The following HUWE1 variants were observed in gnomAD, a reference collection of about 807,000 sequenced individuals.
HUWE1 encodes the protein E3 ubiquitin-protein ligase HUWE1.
A neutral mutation model predicts 299.4 loss-of-function variants in HUWE1; 18 were observed. The ratio of observed to expected loss-of-function variants is 0.06; its 90% CI spans 0.04 to 0.09. The LOEUF (loss-of-function observed/expected upper bound fraction) is 0.09, where lower values mean the gene tolerates loss of function less well. Ranked by LOEUF, HUWE1 falls within the 10% of genes least tolerant of loss-of-function variation. The pLI is 1.00. For missense variants in HUWE1, 1,832 were observed against 3,462.3 expected (o/e 0.53, Z 11.82); for synonymous variants, 1,317 against 1,286.1 (o/e 1.02, Z -0.51).
rs781793405 is a variant in HUWE1 at position 53,592,474 on chromosome X, C to T, written c.3896G>A (p.Arg1299Gln). The stretch of plus-strand genomic sequence containing the variant: ...CTCTTGCCCTGTATCCTCTTCTCCT[C>T]GAGACCCCTCCTTCTCCTTGCTTAG... Reference protein sequence around the residue: ...ERLSKEKEGSRGEEDTGQEEG... With the variant: ...ERLSKEKEGSQGEEDTGQEEG... The change falls in exon 33 of 84, where the codon CGA (arginine) becomes CAA (glutamine). Residue 1299 changes from arginine (R) to glutamine (Q), a missense_variant. Physicochemically the swap from Arg to Gln is conservative, Grantham distance 43. Around this residue, in one of 15 missense-constraint regions of HUWE1, gnomAD observed 658 missense variants for 1,282.6 expected, o/e 0.51. Coordinates refer to ENST00000262854, the MANE Select transcript of HUWE1 (RefSeq NM_031407.7). The T allele has an allele frequency of 7.4e-6, 9 of 1,210,842 alleles. No homozygotes were observed. The highest frequency in any genetic ancestry group is 1.7e-5 in the African/African-American group (1 of 57,570).
At chrX:53,626,164 C>T in intron 17 of HUWE1, 1 of 286,492 alleles carries the variant, frequency 3.5e-6, no homozygotes. Context: ...ATACTGAACC[C>T]CAAAATGAAA....
At chrX:53,568,240 G>A (rs2062661179) in intron 49 of HUWE1, among the ~76,000 whole-genome samples, 1 of 111,091 alleles carries the variant, frequency 9.0e-6, no homozygotes, top group Admixed American at 9.6e-5. Flanking sequence ...ACCAGTAACT[G>A]AAAATAAAAA....
chrX:53,647,648 G>T, intron 5 of HUWE1, 74 bp from the exon 6 acceptor site: 1 of 762,826 alleles, frequency 1.3e-6, no homozygotes, highest in Non-Finnish European at 2.1e-6. Flanking sequence ...ACTGAGCTTT[G>T]TTACAAGAGA....
At chrX:53,668,974 A>G (rs1569514576) in intron 3 of HUWE1, among the ~76,000 whole-genome samples, 3 of 112,698 alleles carry the variant, frequency 2.7e-5, no homozygotes, top group African/African-American at 9.6e-5. Context: ...TGCAAAAGGT[A>G]AACAGTCTAC....
intron 4 of HUWE1, among the ~76,000 whole-genome samples, chrX:53,648,544 A>C (rs1252559235): frequency 3.9e-5 from 4 of 101,700 alleles, no homozygotes; most frequent in African/African-American, 1.8e-4. Context: ...AAAAAACAAA[A>C]AAAAACAAAA....
intron 4 of HUWE1, among the ~76,000 whole-genome samples, chrX:53,648,534 AAAAAACAAAAAAAAAC>A (rs1569509583): frequency 1.0e-4 from 10 of 97,676 alleles, no homozygotes; most frequent in African/African-American, 5.4e-4. Context: ...AAAAAACAAA[AAAAAACAAAAAAAAAC>A]AAAAAACAAA....
intron 3 of HUWE1, among the ~76,000 whole-genome samples, chrX:53,658,475 C>A (rs2068850409): frequency 9.0e-6 from 1 of 111,415 alleles, no homozygotes; most frequent in South Asian, 3.8e-4. Flanking sequence ...TATCATAAGA[C>A]AACAGTAAGT....
intron 3 of HUWE1, among the ~76,000 whole-genome samples, chrX:53,668,172 G>A (rs1017405690): frequency 1.8e-5 from 2 of 110,443 alleles, no homozygotes; most frequent in African/African-American, 3.3e-5. Flanking sequence ...GGCCGGGCGC[G>A]GTGGCTCACC....
In HUWE1 at chrX:53,536,290, G is replaced by C. The variant is rs782366300; in HGVS notation, c.12426-38C>G. The C allele has an allele frequency of 5.2e-6, 6 of 1,150,890 alleles. No homozygotes were observed. The Admixed American group carries it at 1.3e-4, about 25-fold the overall frequency. The allele number at this position is 1,150,890 out of a possible 1,213,427, so 94.8% of individuals were successfully genotyped here. ...AATTATACAGGGTCATGGTTTGCGA[G>C]TGGGGGGGAAGAAGGAGCACAAGGA... On this transcript the variant is annotated intron_variant, in intron 79 of 83. Transcript: ENST00000262854.
intron 23 of HUWE1, among the ~76,000 whole-genome samples, chrX:53,614,291 T>A (rs1163194879): frequency 1.8e-5 from 2 of 110,883 alleles, no homozygotes; most frequent in African/African-American, 6.6e-5. Flanking sequence ...AATTAAAAAT[T>A]AATTAATTTT....
rs2067817180 is a variant in HUWE1, at chrX:53,644,254, C to T, written c.504+1057G>A. Among the ~76,000 whole-genome samples, 3 of 112,298 alleles carry T rather than the reference C, an allele frequency of 2.7e-5. No homozygotes were observed. The Admixed American group carries it at 2.8e-4, about 11-fold the overall frequency. ...TGACTTTTGAATCCAATGGAAATGC[C>T]TCAGCTCCCCCATTATGACTTCTGG... On this transcript the variant is annotated intron_variant, in intron 7 of 83. Transcript: ENST00000262854.
At chrX:53,644,826 C>A (rs2067859158) in intron 7 of HUWE1, among the ~76,000 whole-genome samples, 1 of 111,933 alleles carries the variant, frequency 8.9e-6, no homozygotes, top group African/African-American at 3.2e-5. Flanking sequence ...TAGAGCTGAA[C>A]TTTTATATGA....
In HUWE1 at chrX:53,600,101, A is replaced by T; in HGVS notation, c.3163+17T>A. The T allele has an allele frequency of 8.4e-7, 1 of 1,196,353 alleles. No homozygotes were observed. Among genetic ancestry groups the T allele is most frequent in the Non-Finnish European group, 1.1e-6 (1 of 881,159 alleles). On this transcript the variant is annotated intron_variant, in intron 29 of 83. Transcript: ENST00000262854. ...GACTGAAAGCCAGAAAAGGTAGGAG[A>T]AAGGAGAATGACTCACCTGATAACA...
At chrX:53,581,650 T>C (rs1556967896) in intron 42 of HUWE1, among the ~76,000 whole-genome samples, 1 of 111,402 alleles carries the variant, frequency 9.0e-6, no homozygotes, top group Non-Finnish European at 1.9e-5. Flanking sequence ...ATGAAAAACA[T>C]CTTTTGGTAT....
In HUWE1 at chrX:53,554,909, T is replaced by C. The variant is rs782020059; in HGVS notation, c.8218A>G (p.Met2740Val). The C allele has an allele frequency of 8.5e-7, 1 of 1,171,464 alleles. No homozygotes were observed. Among genetic ancestry groups the C allele is most frequent in the Non-Finnish European group, 1.1e-6 (1 of 874,307 alleles). ...GGGGTTGTTGGGTAGCTGTCAGGCA[T>C]AGGCGTCCCATCTTTCTCGGAAAGA... ...TEQNLSDGTPMPDSYPTTPSS... is the reference protein window; with the variant it reads ...TEQNLSDGTPVPDSYPTTPSS... Residue 2740 changes from methionine (M) to valine (V), a missense_variant, in exon 61 of 84, where the codon ATG becomes GTG. By Grantham distance (21) the Met-to-Val change is conservative. Transcript: ENST00000262854.
At chrX:53,660,558 G>A (rs180958829) in intron 3 of HUWE1, among the ~76,000 whole-genome samples, 19 of 112,101 alleles carry the variant, frequency 1.7e-4, no homozygotes, top group East Asian at 1.1e-3. Context: ...AGGGGGGAAC[G>A]TTAGTATACT....
chrX:53,671,779 G>A (rs1273398282), intron 3 of HUWE1, among the ~76,000 whole-genome samples: 1 of 77,290 alleles, frequency 1.3e-5, no homozygotes. Flanking sequence ...GGGCGACAGC[G>A]AGACTCCGTC....
intron 35 of HUWE1, among the ~76,000 whole-genome samples, chrX:53,590,054 C>T (rs1267919578): frequency 8.9e-6 from 1 of 111,997 alleles, no homozygotes; most frequent in Non-Finnish European, 1.9e-5. Context: ...TTCTATACTA[C>T]CTCCCGCAAA....
At chrX:53,555,419 G>A (rs782509376) in intron 60 of HUWE1, among the ~76,000 whole-genome samples, 4 of 109,343 alleles carry the variant, frequency 3.7e-5, no homozygotes, top group South Asian at 8.0e-4. Context: ...TTCACCTCCC[G>A]GGCTCAGGTG....
Sources: allele counts gnomAD v4.1 joint callset (sites outside exome capture counted in the v4.1 genomes callset), GRCh38; gene constraint gnomAD v4.1.1; regional missense constraint gnomAD v4.1.1; transcripts MANE v1.5; gene names NCBI Gene and HGNC (gene_info 2026-07-23, HGNC 2026-07-21).